Variants in JPH3 observed in about 807,000 individuals in gnomAD.
JPH3 encodes the protein junctophilin-3.
A neutral mutation model predicts 59.6 loss-of-function variants in JPH3; 11 were observed. That is an observed-to-expected ratio of 0.18 (90% CI 0.12 to 0.31). The LOEUF (loss-of-function observed/expected upper bound fraction) is 0.31. JPH3 is among the 10% of genes least tolerant of loss of function. The pLI is 1.00. For synonymous variants in JPH3, 673 were observed against 483.6 expected (o/e 1.39, Z -5.14); for missense variants, 1,202 against 1,105.7 (o/e 1.09, Z -1.24).
intron 2 of JPH3, among the ~76,000 whole-genome samples, chr16:87,682,040 C>T (rs994301804): frequency 1.3e-5 from 2 of 152,124 alleles, no homozygotes; most frequent in African/African-American, 2.4e-5. Context: ...ATGCACGGAC[C>T]ACCCAAGGGC....
chr16:87,628,630 T>G (rs2031462074), intron 1 of JPH3, among the ~76,000 whole-genome samples: 1 of 152,124 alleles, frequency 6.6e-6, no homozygotes, highest in South Asian at 2.1e-4. Context: ...GGTGTTGGCA[T>G]CTGTAAAATG....
chr16:87,693,538 G>A (rs1198779517), intron 4 of JPH3: 3 of 152,270 alleles, frequency 2.0e-5, no homozygotes, highest in Non-Finnish European at 4.4e-5. Flanking sequence ...AGCCGGGCAT[G>A]GTGGCACACG....
chr16:87,644,230 A>G (rs376915648), intron 1 of JPH3, 28 bp from the exon 2 acceptor site: 18 of 1,578,800 alleles, frequency 1.1e-5, no homozygotes, highest in Non-Finnish European at 1.5e-5. Flanking sequence ...GTCGCTGGGC[A>G]CTCACCCCTC....
chr16:87,658,115 C>T (rs1198759083), intron 2 of JPH3, among the ~76,000 whole-genome samples: 2 of 152,160 alleles, frequency 1.3e-5, no homozygotes, highest in Admixed American at 6.5e-5. Flanking sequence ...GTGAAGACAC[C>T]ACCTGTGTGT....
At chr16:87,617,612 G>A (rs1656806563) in intron 1 of JPH3, among the ~76,000 whole-genome samples, 1 of 146,264 alleles carries the variant, frequency 6.8e-6, no homozygotes, top group Admixed American at 6.8e-5. Context: ...AGTGGAGATA[G>A]TGGCTGGGTC....
intron 1 of JPH3, among the ~76,000 whole-genome samples, chr16:87,632,194 GT>G (rs1308718625): frequency 6.6e-6 from 1 of 152,182 alleles, no homozygotes; most frequent in Non-Finnish European, 1.5e-5. Flanking sequence ...AATCCTCCCT[GT>G]TTGGGTGGGG....
At chr16:87,672,537 A>G (rs946274758) in intron 2 of JPH3, among the ~76,000 whole-genome samples, 7 of 152,210 alleles carry the variant, frequency 4.6e-5, no homozygotes, top group African/African-American at 1.4e-4. Context: ...ACAGCCGTCC[A>G]TCACTTTCAT....
At chr16:87,608,712 G>A (rs542173746) in intron 1 of JPH3, among the ~76,000 whole-genome samples, 4 of 152,200 alleles carry the variant, frequency 2.6e-5, no homozygotes, top group East Asian at 1.9e-4. Context: ...GCCTGGTCCC[G>A]GACCCTCCAG....
At chr16:87,682,660 T>C (rs1007956603) in intron 2 of JPH3, among the ~76,000 whole-genome samples, 2 of 152,220 alleles carry the variant, frequency 1.3e-5, no homozygotes, top group Non-Finnish European at 1.5e-5. Flanking sequence ...ATGTCTGCTA[T>C]TGATGAGCCG....
Position 87,685,296 on chromosome 16 carries a change from A to C in JPH3, c.1285+1030A>C, listed in dbSNP as rs1007633885. ...GGAGGTCAGGAGGACGAGCCCCCGC[A>C]CCCCCACCGCCTTGGGCAGCTTCTA... On this transcript the variant is annotated intron_variant, in intron 3 of 4. Coordinates refer to ENST00000284262, the MANE Select transcript of JPH3 (RefSeq NM_020655.4). Among the ~76,000 whole-genome samples, 3 of 151,780 alleles carry C rather than the reference A, an allele frequency of 2.0e-5. No homozygotes were observed. In the East Asian group the frequency reaches 5.8e-4, roughly 29 times the overall value.
rs553005716 is a variant in JPH3 at position 87,644,697 on chromosome 16, G to T, written c.822G>T (p.Ala274=). The change falls in exon 2 of 5, where the codon GCG becomes GCT. Residue 274 remains alanine, a synonymous_variant. Coordinates refer to ENST00000284262, the MANE Select transcript of JPH3 (RefSeq NM_020655.4). Reference sequence around the variant, plus strand: ...TGGGCGAGGCTGAGGCCGAGCTGGCGGTCATCGAGGACGACATCGACGCCA... The same window carrying T: ...TGGGCGAGGCTGAGGCCGAGCTGGCTGTCATCGAGGACGACATCGACGCCA... ...ISLGEAEAEL[A]VIEDDIDATT... is the part of the protein sequence containing the mutation. 6 of 1,612,008 alleles carry T rather than the reference G, an allele frequency of 3.7e-6. No homozygotes were observed. In the East Asian group the frequency reaches 1.3e-4, roughly 36 times the overall value.
At chr16:87,623,577 C>G (rs1304364728) in intron 1 of JPH3, among the ~76,000 whole-genome samples, 1 of 152,176 alleles carries the variant, frequency 6.6e-6, no homozygotes, top group Non-Finnish European at 1.5e-5. Flanking sequence ...ATTTCATTCC[C>G]CAACAAAACA....
intron 2 of JPH3, among the ~76,000 whole-genome samples, chr16:87,659,385 A>AAAAAAAAAAAAAAAAAAAAAAC (rs2032624224): frequency 8.5e-6 from 1 of 118,304 alleles, no homozygotes; most frequent in Non-Finnish European, 2.0e-5. Flanking sequence ...AAAAAAAAAA[A>AAAAAAAAAAAAAAAAAAAAAAC]AGAAAAAAAA....
chr16:87,656,501 A>G (rs1486912579), intron 2 of JPH3, among the ~76,000 whole-genome samples: 1 of 152,216 alleles, frequency 6.6e-6, no homozygotes, highest in Non-Finnish European at 1.5e-5. Flanking sequence ...TACGGAGTTC[A>G]TATGAGGGTG....
chr16:87,649,688 C>T (rs1373571753), intron 2 of JPH3, among the ~76,000 whole-genome samples: 1 of 152,208 alleles, frequency 6.6e-6, no homozygotes, highest in African/African-American at 2.4e-5. Context: ...CTGGTGGAAG[C>T]CGAGCTGGGG....
intron 2 of JPH3, among the ~76,000 whole-genome samples, chr16:87,670,189 C>T (rs1276117202): frequency 3.3e-5 from 5 of 152,268 alleles, no homozygotes; most frequent in Admixed American, 3.3e-4. Flanking sequence ...GTTGCACCCT[C>T]GGAGCCCAGC....
chr16:87,695,430 G>A (rs1267716282), intron 4 of JPH3: 1 of 455,976 alleles, frequency 2.2e-6, no homozygotes, highest in Non-Finnish European at 4.4e-6. Flanking sequence ...GCAGCAGGAT[G>A]TCTGCGTGGT....
At chr16:87,686,224 C>A (rs2033413623) in intron 3 of JPH3, among the ~76,000 whole-genome samples, 1 of 152,138 alleles carries the variant, frequency 6.6e-6, no homozygotes, top group African/African-American at 2.4e-5. Flanking sequence ...TGGGTGCAGG[C>A]TCCCCCACCC....
intron 2 of JPH3, among the ~76,000 whole-genome samples, chr16:87,677,718 G>C (rs1048933535): frequency 6.6e-6 from 1 of 152,234 alleles, no homozygotes; most frequent in African/African-American, 2.4e-5. Context: ...GGGCTGGAAG[G>C]CTCCTTACAG....
Sources: gnomAD v4.1 joint callset for allele counts (sites outside exome capture counted in the v4.1 genomes callset) on GRCh38, gnomAD v4.1.1 for gene constraint, MANE v1.5 for transcripts, NCBI Gene and HGNC (gene_info 2026-07-23, HGNC 2026-07-21) for gene names.